Variants in TOMM40 observed in about 807,000 individuals in gnomAD.
TOMM40 encodes translocase of outer mitochondrial membrane 40.
A neutral mutation model predicts 38.4 loss-of-function variants in TOMM40; 9 were observed. The ratio of observed to expected loss-of-function variants is 0.23; its 90% CI spans 0.14 to 0.41. TOMM40 has a LOEUF of 0.41. TOMM40 is among the 10% of genes least tolerant of loss of function. The pLI is 1.00. For synonymous variants in TOMM40, 184 were observed against 210.0 expected (o/e 0.88, Z 1.07); for missense variants, 299 against 486.5 (o/e 0.61, Z 3.63).
intron 5 of TOMM40, among the ~76,000 whole-genome samples, chr19:44,900,195 A>G (rs1174486945): frequency 1.3e-5 from 2 of 152,180 alleles, no homozygotes; most frequent in African/African-American, 4.8e-5. Context: ...GCCACAGCTG[A>G]GCACTCGATT....
rs750374166 is a variant in TOMM40 at position 44,903,142 on chromosome 19, G to A, written c.1059G>A (p.Gln353=). The A allele has an allele frequency of 6.2e-6, 10 of 1,611,950 alleles. No homozygotes were observed. The highest frequency in any genetic ancestry group is 3.3e-5 in the South Asian group (3 of 90,990). The change falls in exon 9 of 9, where the codon CAG becomes CAA. Residue 353 remains glutamine, a synonymous_variant. Coordinates refer to ENST00000426677, the MANE Select transcript of TOMM40 (RefSeq NM_001128917.2). ...AFLNHRKNKF[Q]CGFGLTIG ...TGAATCACCGCAAGAACAAGTTTCA[G>A]TGTGGCTTTGGCCTCACCATCGGCT...
intron 6 of TOMM40, 32 bp from the exon 7 acceptor site, chr19:44,900,996 T>C (rs1180955622): frequency 8.7e-6 from 14 of 1,613,352 alleles, no homozygotes; most frequent in African/African-American, 5.3e-5. Context: ...CCCTTGGTAA[T>C]GAGACCCCGC....
chr19:44,895,752 G>A (rs979153745), intron 5 of TOMM40, among the ~76,000 whole-genome samples: 4 of 151,964 alleles, frequency 2.6e-5, no homozygotes, highest in Non-Finnish European at 4.4e-5. Flanking sequence ...TCGCCATGTC[G>A]GCCAGGCTGA....
chr19:44,892,019 G>C lies in TOMM40; in HGVS notation c.274+330G>C, dbSNP rs1969476693. 3.3e-5 allele frequency among the ~76,000 whole-genome samples: 5 copies of C among 152,308 alleles called. No homozygotes were observed. In the South Asian group the frequency reaches 1.0e-3, roughly 32 times the overall value. ...CAGCAAGGTGTCAGCGAGGTTCCTT[G>C]GGTATGGGACCCAAAGCCTCCGGAT... On this transcript the variant is annotated intron_variant, in intron 1 of 8. Transcript: ENST00000426677.
At chr19:44,899,791 CTTTTTTTTTTTTTTTTTT>C (rs10524523) in intron 5 of TOMM40, among the ~76,000 whole-genome samples, 92 of 90,956 alleles carry the variant, frequency 1.0e-3, no homozygotes, top group Middle Eastern at 0.016. Context: ...TTGCATCTGG[CTTTTTTTTTTTTTTTTTT>C]TTTTTTTTTT....
chr19:44,900,316 C>T (rs1363371298), intron 5 of TOMM40, among the ~76,000 whole-genome samples: 1 of 152,160 alleles, frequency 6.6e-6, no homozygotes, highest in East Asian at 1.9e-4. Flanking sequence ...TGCATATTTA[C>T]CCACTCTACC....
rs1969453797 is a variant in TOMM40 at position 44,891,265 on chromosome 19, G to C, written c.-151G>C. 8.9e-7 allele frequency: 1 copy of C among 1,120,084 alleles called. No homozygotes were observed. The highest frequency in any genetic ancestry group is 1.1e-6 in the Non-Finnish European group (1 of 894,036). The allele number at this position is 1,120,084 out of a possible 1,614,324, so 69.4% of individuals were successfully genotyped here. ...GGCGGCAGCGGGTTCGGTTGCGCGTGGCGCACGGGGTGGGAGCGGAGCCCA... is the reference window on the plus strand; with the variant it reads ...GGCGGCAGCGGGTTCGGTTGCGCGTCGCGCACGGGGTGGGAGCGGAGCCCA... On this transcript the variant is annotated 5_prime_UTR_variant, in exon 1 of 9. Transcript: ENST00000426677.
Position 44,900,864 on chromosome 19 carries a change from G to T in TOMM40, c.766+12G>T, listed in dbSNP as rs73052321. On this transcript the variant is annotated intron_variant, in intron 6 of 8. Coordinates refer to ENST00000426677, the MANE Select transcript of TOMM40 (RefSeq NM_001128917.2). ...TGGGAAATACACATGTGAGCCTGGC[G>T]CCTGGGTCCGAGGGTGGAGGGGCTG... is the stretch of plus-strand genomic sequence containing the variant. The T allele has an allele frequency of 6.2e-7, 1 of 1,613,326 alleles. No individual in the cohort carries two copies. The highest frequency in any genetic ancestry group is 1.1e-5 in the South Asian group (1 of 91,040).
At chr19:44,897,258 G>T (rs916834659) in intron 5 of TOMM40, among the ~76,000 whole-genome samples, 2 of 152,124 alleles carry the variant, frequency 1.3e-5, no homozygotes, top group Non-Finnish European at 2.9e-5. Context: ...GGGAAGGATG[G>T]TTAGAAAGAT....
In TOMM40 at chr19:44,903,158, A is replaced by T; in HGVS notation, c.1075A>T (p.Thr359Ser). ...KNKFQCGFGLTIG is the reference protein window; with the variant it reads ...KNKFQCGFGLSIG ...CAAGTTTCAGTGTGGCTTTGGCCTC[A>T]CCATCGGCTGAGCCCTCCTGGCCCC... Residue 359 changes from threonine to serine, a missense_variant, in exon 9 of 9, where the codon ACC becomes TCC. By Grantham distance (58) the Thr-to-Ser change is moderately conservative (BLOSUM62 1). Transcript: ENST00000426677. 1 of 1,610,602 alleles carries T rather than the reference A, an allele frequency of 6.2e-7. No homozygotes were observed. Among genetic ancestry groups the T allele is most frequent in the Non-Finnish European group, 8.5e-7 (1 of 1,179,242 alleles).
intron 3 of TOMM40, among the ~76,000 whole-genome samples, chr19:44,893,165 G>A (rs567938510): frequency 1.3e-5 from 2 of 152,332 alleles, no homozygotes; most frequent in South Asian, 4.1e-4. Flanking sequence ...TGTGGCCACA[G>A]CCACCCTGTC....
intron 5 of TOMM40, among the ~76,000 whole-genome samples, chr19:44,897,908 C>T (rs1969597587): frequency 6.6e-6 from 1 of 152,072 alleles, no homozygotes; most frequent in South Asian, 2.1e-4. Context: ...CAGGCGTGAG[C>T]TACTGTGCCC....
chr19:44,893,441 C>G (rs1288999383), intron 3 of TOMM40, among the ~76,000 whole-genome samples: 1 of 152,242 alleles, frequency 6.6e-6, no homozygotes, highest in African/African-American at 2.4e-5. Context: ...CTGCTTCTGT[C>G]ATTTCCCTTC....
chr19:44,892,981 A>G, intron 3 of TOMM40, 52 bp downstream of exon 3: 1 of 1,495,962 alleles, frequency 6.7e-7, no homozygotes, highest in Non-Finnish European at 9.2e-7. Flanking sequence ...ACAAATTTGT[A>G]GCCAAATGTC....
At chr19:44,892,597 C>G (rs1315992664) in intron 2 of TOMM40, 137 bp downstream of exon 2, 1 of 865,812 alleles carries the variant, frequency 1.2e-6, no homozygotes, top group Admixed American at 2.1e-5. Flanking sequence ...GATATAGTGC[C>G]AGACTGACTA....
chr19:44,895,148 G>C (rs1181091030), intron 5 of TOMM40, among the ~76,000 whole-genome samples: 1 of 152,150 alleles, frequency 6.6e-6, no homozygotes. Context: ...TGAATGACTC[G>C]TGCAGGCGGG....
chr19:44,892,566 T>G, intron 2 of TOMM40, 106 bp downstream of exon 2: 1 of 1,111,068 alleles, frequency 9.0e-7, no homozygotes, highest in Non-Finnish European at 1.4e-6. Context: ...CTGGGCTCCC[T>G]GATACTTGAA....
rs374158729 is a variant in TOMM40 at position 44,900,815 on chromosome 19, G to C, written c.729G>C (p.Glu243Asp). 1.2e-6 allele frequency: 2 copies of C among 1,613,964 alleles called. No individual in the cohort carries two copies. Among genetic ancestry groups the C allele is most frequent in the Non-Finnish European group, 1.7e-6 (2 of 1,180,024 alleles). Residue 243 changes from glutamate (E) to aspartate (D), a missense_variant, in exon 6 of 9, where the codon GAG becomes GAC. By Grantham distance (45) the Glu-to-Asp change is conservative. Transcript: ENST00000426677. ...GELVYHRRPG[E>D]EGTVMSLAGK... Reference sequence around the variant, plus strand: ...TGGTCTACCACCGGCGGCCTGGAGAGGAGGGCACTGTCATGTCTCTAGCTG... The same window carrying C: ...TGGTCTACCACCGGCGGCCTGGAGACGAGGGCACTGTCATGTCTCTAGCTG...
intron 8 of TOMM40, 60 bp from the exon 9 acceptor site, chr19:44,902,970 G>C: frequency 6.4e-7 from 1 of 1,572,406 alleles, no homozygotes; most frequent in Non-Finnish European, 8.6e-7. Flanking sequence ...AGGTGGCCAG[G>C]AACTCTGCAT....
Sources: allele counts gnomAD v4.1 joint callset (sites outside exome capture counted in the v4.1 genomes callset), GRCh38; gene constraint gnomAD v4.1.1; transcripts MANE v1.5; gene names NCBI Gene and HGNC (gene_info 2026-07-23, HGNC 2026-07-21).